ASL: variants seen among roughly 807,000 people sequenced by gnomAD.
ASL encodes argininosuccinase.
In ASL, 51 loss-of-function variants were observed where a neutral mutation model predicts 69.1. The ratio of observed to expected loss-of-function variants is 0.74; its 90% confidence interval spans 0.59 to 0.93. The LOEUF (loss-of-function observed/expected upper bound fraction) is 0.93. Ranked by LOEUF, ASL falls within the 40% of genes least tolerant of loss-of-function variation. The pLI is 0.00. For synonymous variants in ASL, 241 were observed against 247.6 expected (o/e 0.97, Z 0.25); for missense variants, 540 against 623.9 (o/e 0.87, Z 1.43).
Position 66,089,347 on chromosome 7 carries a change from G to T in ASL, c.978+12G>T. 2 of 1,596,158 alleles carry T rather than the reference G, an allele frequency of 1.3e-6. No homozygotes were observed. Among genetic ancestry groups the T allele is most frequent in the East Asian group, 2.3e-5 (1 of 44,200 alleles). ...ACAAAGACTTACAGGTGCGAGGCCGGGGGAGGCCTGGCTAGTACGTGCCAG... is the reference window on the plus strand; with the variant it reads ...ACAAAGACTTACAGGTGCGAGGCCGTGGGAGGCCTGGCTAGTACGTGCCAG... On this transcript the variant is annotated intron_variant, in intron 13 of 16. Transcript: ENST00000304874.
intron 14 of ASL, among the ~76,000 whole-genome samples, chr7:66,089,912 A>G (rs899483502): frequency 6.6e-6 from 1 of 152,160 alleles, no homozygotes; most frequent in Non-Finnish European, 1.5e-5. Flanking sequence ...GGGCCTGTCA[A>G]ATGGCCTGAC....
intron 14 of ASL, among the ~76,000 whole-genome samples, chr7:66,090,627 A>G (rs1455866055): frequency 6.6e-6 from 1 of 152,086 alleles, no homozygotes; most frequent in Non-Finnish European, 1.5e-5. Context: ...ACAGCTAGAG[A>G]ATGCATAATG....
At chr7:66,092,167 A>G in intron 15 of ASL, 81 bp downstream of exon 15, 1 of 1,529,252 alleles carries the variant, frequency 6.5e-7, no homozygotes, top group Non-Finnish European at 9.0e-7. Context: ...AATGGGTGCA[A>G]GCGGCCCAGC....
chr7:66,081,270 A>G (rs1271408193), intron 2 of ASL, among the ~76,000 whole-genome samples: 5 of 152,058 alleles, frequency 3.3e-5, no homozygotes, highest in Non-Finnish European at 7.4e-5. Context: ...GAGGGGTGCC[A>G]TGTGGTGGGA....
At chr7:66,089,070 C>T (rs745791464) in intron 11 of ASL, 21 bp from the exon 12 acceptor site, 5 of 1,613,584 alleles carry the variant, frequency 3.1e-6, no homozygotes, top group African/African-American at 2.7e-5. Flanking sequence ...GCCCCTTCAG[C>T]GCCAGCACCT....
In ASL at chr7:66,089,680, C is replaced by G. The variant is rs187877947; in HGVS notation, c.1047C>G (p.Val349=). 1.6e-5 allele frequency: 26 copies of G among 1,613,556 alleles called. No individual in the cohort carries two copies. In the African/African-American group the frequency reaches 3.1e-4, roughly 19 times the overall value. ...MSAVLQVATG[V]ISTLQIHQEN... is the part of the protein sequence containing the mutation. ...CCGTGCTCCAGGTGGCCACTGGCGT[C>G]ATCTCTACGCTGCAGGCAAGACATC... The change falls in exon 14 of 17, where the codon GTC becomes GTG. Residue 349 remains valine (V), a synonymous_variant. Coordinates refer to ENST00000304874, the MANE Select transcript of ASL (RefSeq NM_000048.4).
rs1429956060 is a variant in ASL, at chr7:66,093,059, G to A, written c.*147G>A. ...CTGGAGAGGCAGGGCAGGGTGGCCT[G>A]TAATCCCAGCACTTTGGAAGGGCAA... On this transcript the variant is annotated 3_prime_UTR_variant, in exon 17 of 17. Coordinates refer to ENST00000304874, the MANE Select transcript of ASL (RefSeq NM_000048.4). 3.7e-6 allele frequency: 5 copies of A among 1,352,406 alleles called. No individual in the cohort carries two copies. Among genetic ancestry groups the A allele is most frequent in the Non-Finnish European group, 5.1e-6 (5 of 988,360 alleles). 83.8% of individuals were successfully genotyped at this position (1,352,406 alleles called of 1,614,324 possible).
chr7:66,087,360 G>C lies in ASL; in HGVS notation c.629G>C (p.Gly210Ala). ...GSGAIAGNPL[G>A]VDRELLRAEL... ...GGGGCCATTGCAGGCAATCCCCTGG[G>C]TGTGGACCGAGAGCTGCTCCGAGCA... The change falls in exon 9 of 17, where the codon GGT becomes GCT. Residue 210 changes from glycine (G) to alanine (A), a missense_variant. Physicochemically the swap from Gly to Ala is moderately conservative, Grantham distance 60. Coordinates refer to ENST00000304874, the MANE Select transcript of ASL (RefSeq NM_000048.4). 1 of 1,606,448 alleles carries C rather than the reference G, an allele frequency of 6.2e-7. No individual in the cohort carries two copies. The highest frequency in any genetic ancestry group is 8.5e-7 in the Non-Finnish European group (1 of 1,179,884).
chr7:66,092,721 G>A lies in ASL; in HGVS notation c.1251-47G>A, dbSNP rs2292938. The A allele has an allele frequency of 1.6e-3, 2,605 of 1,613,648 alleles. 53 individuals carry two copies. The East Asian group carries it at 0.052, about 32-fold the overall frequency. ...TAGGAAGTGAGCCTGGGTGCCTGGA[G>A]CCCAGGGTGGCCTGGCGCCCTGGCC... On this transcript the variant is annotated intron_variant, in intron 16 of 16. Coordinates refer to ENST00000304874, the MANE Select transcript of ASL (RefSeq NM_000048.4).
rs144591360 is a variant in ASL, at chr7:66,092,874, C to T, written c.1357C>T (p.Arg453Cys). 108 of 1,611,754 alleles carry T rather than the reference C, an allele frequency of 6.7e-5. 1 individual carries two copies. In the South Asian group the frequency reaches 8.8e-4, roughly 13 times the overall value. ...GCGCTCCAGCGTCGACTGGCAGATC[C>T]GCCAGGTGCGGGCGCTACTGCAGGC... is the stretch of plus-strand genomic sequence containing the variant. ...TARSSVDWQIRQVRALLQAQQ... is the reference protein window; with the variant it reads ...TARSSVDWQICQVRALLQAQQ... The change falls in exon 17 of 17, where the codon CGC (arginine) becomes TGC (cysteine). Residue 453 changes from arginine to cysteine, a missense_variant. Coordinates refer to ENST00000304874, the MANE Select transcript of ASL (RefSeq NM_000048.4).
In ASL at chr7:66,078,937, T is replaced by C. The variant is rs534364042; in HGVS notation, c.12+2844T>C. Among the ~76,000 whole-genome samples, 311 of 152,144 alleles carry C rather than the reference T, an allele frequency of 2.0e-3. 3 individuals carry two copies. The highest frequency in any genetic ancestry group is 7.3e-3 in the African/African-American group (304 of 41,512). ...TTTTTGTTTTTGTTTTGAGACAGAG[T>C]CTTGCTCTGTCGCCCAGGCTGGAGT... On this transcript the variant is annotated intron_variant, in intron 2 of 16. Transcript: ENST00000304874.
Position 66,093,345 on chromosome 7 carries a change from G to T in ASL, c.*433G>T. 1 of 292,418 alleles carries T rather than the reference G, an allele frequency of 3.4e-6. No homozygotes were observed. The highest frequency in any genetic ancestry group is 6.7e-6 in the Non-Finnish European group (1 of 148,256). The allele number at this position is 292,418 out of a possible 1,614,324, so 18.1% of individuals were successfully genotyped here. A position where few individuals can be genotyped will look rare whatever the true frequency, so the allele number is the denominator to read the frequency against. ...ATAAATAAATAAACGAAAAATAAATGGAAGCGGAGAAAACTGGGCAAGGGC... is the reference window on the plus strand; with the variant it reads ...ATAAATAAATAAACGAAAAATAAATTGAAGCGGAGAAAACTGGGCAAGGGC... On this transcript the variant is annotated 3_prime_UTR_variant, in exon 17 of 17. Transcript: ENST00000304874.
intron 6 of ASL, among the ~76,000 whole-genome samples, chr7:66,086,355 T>G (rs1309487412): frequency 1.3e-5 from 2 of 152,208 alleles, no homozygotes; most frequent in Non-Finnish European, 2.9e-5. Context: ...AAAGCCTCAC[T>G]GCAGGAAGCC....
intron 7 of ASL, 40 bp from the exon 8 acceptor site, chr7:66,086,704 C>G: frequency 6.2e-7 from 1 of 1,611,782 alleles, no homozygotes; most frequent in African/African-American, 1.3e-5. Flanking sequence ...GAGGGGAGGA[C>G]CCCGGCTGCC....
chr7:66,089,229 G>T (rs368492142), intron 12 of ASL, 47 bp from the exon 13 acceptor site: 49 of 1,611,956 alleles, frequency 3.0e-5, no homozygotes, highest in Middle Eastern at 1.7e-4. Flanking sequence ...GGGTGGCCAG[G>T]GGGGCAGGAT....
rs934451860 is a variant in ASL, at chr7:66,082,868, C to T, written c.292-12C>T. 2.5e-6 allele frequency: 4 copies of T among 1,613,444 alleles called. No individual in the cohort carries two copies. Among genetic ancestry groups the T allele is most frequent in the East Asian group, 2.2e-5 (1 of 44,868 alleles). ...GTATAGACCGTGACCCTGGGTCTCC[C>T]TTCACCTCCAGGAGCTCATTGGTGC... On this transcript the variant is annotated splice_polypyrimidine_tract_variant and intron_variant, in intron 4 of 16. Transcript: ENST00000304874.
intron 2 of ASL, among the ~76,000 whole-genome samples, chr7:66,079,255 T>C (rs1786435787): frequency 6.6e-6 from 1 of 152,080 alleles, no homozygotes; most frequent in South Asian, 2.1e-4. Flanking sequence ...AGGTGGTTAA[T>C]AGAAGTCTGG....
At chr7:66,089,555 G>A in intron 13 of ASL, 57 bp from the exon 14 acceptor site, 2 of 1,590,388 alleles carry the variant, frequency 1.3e-6, no homozygotes, top group South Asian at 1.1e-5. Context: ...TGGGGCTGTG[G>A]GGACCCTGGG....
chr7:66,087,256 G>A, intron 8 of ASL, 78 bp from the exon 9 acceptor site: 1 of 1,276,470 alleles, frequency 7.8e-7, no homozygotes, highest in Non-Finnish European at 1.1e-6. Flanking sequence ...GTGTGTGTGT[G>A]TGTGTGTGTG....
Sources: allele counts gnomAD v4.1 joint callset (sites outside exome capture counted in the v4.1 genomes callset), GRCh38; gene constraint gnomAD v4.1.1; transcripts MANE v1.5; gene names NCBI Gene and HGNC (gene_info 2026-07-23, HGNC 2026-07-21).